Variants in MYRIP observed in about 807,000 individuals in gnomAD.
MYRIP encodes the protein myosin VIIA and Rab interacting protein.
In MYRIP, 49 loss-of-function variants were observed where a neutral mutation model predicts 98.0. That is an observed-to-expected ratio of 0.50 (90% CI 0.40 to 0.63). MYRIP has a LOEUF of 0.63. MYRIP is among the 30% of genes least tolerant of loss of function. The pLI is 0.00. For synonymous variants in MYRIP, 404 were observed against 409.5 expected (o/e 0.99, Z 0.16); for missense variants, 1,004 against 1,058.2 (o/e 0.95, Z 0.71).
intron 2 of MYRIP, among the ~76,000 whole-genome samples, chr3:39,921,643 G>A (rs1247161889): frequency 6.6e-6 from 1 of 152,172 alleles, no homozygotes; most frequent in Admixed American, 6.5e-5. Flanking sequence ...CACTTTGGGT[G>A]GCTGAGGTGG....
At chr3:40,143,985 A>G (rs1240772332) in intron 3 of MYRIP, among the ~76,000 whole-genome samples, 2 of 152,200 alleles carry the variant, frequency 1.3e-5, no homozygotes, top group Admixed American at 1.3e-4. Flanking sequence ...TCGGAATGCT[A>G]TAGAGTTTTG....
intron 12 of MYRIP, among the ~76,000 whole-genome samples, chr3:40,241,257 A>T (rs1365136646): frequency 6.6e-6 from 1 of 152,196 alleles, no homozygotes; most frequent in African/African-American, 2.4e-5. Flanking sequence ...CAGTGGCAGC[A>T]GACACAGTAG....
At chr3:40,243,309 T>C (rs978134146) in intron 12 of MYRIP, among the ~76,000 whole-genome samples, 1 of 151,918 alleles carries the variant, frequency 6.6e-6, no homozygotes, top group Non-Finnish European at 1.5e-5. Flanking sequence ...AAATTGCCAG[T>C]TTTAAAACAG....
At chr3:40,184,275 A>C (rs1211799026) in intron 9 of MYRIP, among the ~76,000 whole-genome samples, 3 of 152,232 alleles carry the variant, frequency 2.0e-5, no homozygotes, top group Admixed American at 2.0e-4. Flanking sequence ...CATAGAGTAC[A>C]TGAGAATACC....
At chr3:39,949,627 A>G (rs1944966208) in intron 2 of MYRIP, among the ~76,000 whole-genome samples, 1 of 152,090 alleles carries the variant, frequency 6.6e-6, no homozygotes, top group Admixed American at 6.6e-5. Flanking sequence ...CTGTCTTTCC[A>G]AAATATTATT....
intron 8 of MYRIP, among the ~76,000 whole-genome samples, chr3:40,175,227 C>T (rs897091239): frequency 6.6e-6 from 1 of 152,192 alleles, no homozygotes; most frequent in Non-Finnish European, 1.5e-5. Flanking sequence ...AGTCTTGATT[C>T]GTTGGATTGT....
chr3:40,126,261 G>C (rs1192346713), intron 3 of MYRIP, among the ~76,000 whole-genome samples: 1 of 152,196 alleles, frequency 6.6e-6, no homozygotes, highest in South Asian at 2.1e-4. Context: ...ACTCTGGGGT[G>C]GGGCCGAACA....
intron 3 of MYRIP, among the ~76,000 whole-genome samples, chr3:40,087,496 T>A (rs529116738): frequency 5.3e-5 from 8 of 152,288 alleles, no homozygotes; most frequent in Admixed American, 5.2e-4. Context: ...GACCAGGCTT[T>A]AGTTCTATTA....
intron 3 of MYRIP, among the ~76,000 whole-genome samples, chr3:40,065,074 G>T (rs910239809): frequency 1.3e-5 from 2 of 152,184 alleles, no homozygotes; most frequent in African/African-American, 4.8e-5. Flanking sequence ...CTGAAATCAA[G>T]GTGCAGGCAG....
intron 2 of MYRIP, among the ~76,000 whole-genome samples, chr3:40,041,155 C>A (rs1427685164): frequency 7.1e-6 from 1 of 141,142 alleles, no homozygotes; most frequent in East Asian, 2.0e-4. Context: ...TGTAGAATGT[C>A]AACCAATAAA....
rs545250715 is a variant in MYRIP, at chr3:39,862,559, G to A, written c.-30-38228G>A. On this transcript the variant is annotated intron_variant, in intron 1 of 16. Coordinates refer to ENST00000302541, the MANE Select transcript of MYRIP (RefSeq NM_015460.4). ...ACAAAAAAGTCAAAGAAGGCATTTT[G>A]TAATGATAAAGGGCTCCATTCAACA... 5.3e-5 allele frequency among the ~76,000 whole-genome samples: 8 copies of A among 152,312 alleles called. No individual in the cohort carries two copies. The East Asian group carries it at 1.2e-3, about 22-fold the overall frequency.
chr3:40,003,793 A>G (rs186052914), intron 2 of MYRIP, among the ~76,000 whole-genome samples: 247 of 152,306 alleles, frequency 1.6e-3, no homozygotes, highest in Non-Finnish European at 3.1e-3. Context: ...AAAAGCTTAT[A>G]CTATCACCTC....
chr3:40,232,625 TAAAC>T (rs951666238), intron 11 of MYRIP, among the ~76,000 whole-genome samples: 73 of 152,348 alleles, frequency 4.8e-4, no homozygotes, highest in African/African-American at 1.8e-3. Context: ...TGTGATGAGA[TAAAC>T]AAAATTGTTT....
rs1238642570 is a variant in MYRIP at position 40,250,236 on chromosome 3, G to A, written c.2277G>A (p.Glu759=). Residue 759 remains glutamate, a synonymous_variant, in exon 14 of 17, where the codon GAG becomes GAA. Coordinates refer to ENST00000302541, the MANE Select transcript of MYRIP (RefSeq NM_015460.4). Reference sequence around the variant, plus strand: ...GTTGCTTTAAGATTTCAGATATTGAGAGCCGGATTTCAGCCCTGACCATTG... The same window carrying A: ...GTTGCTTTAAGATTTCAGATATTGAAAGCCGGATTTCAGCCCTGACCATTG... ...HHAELQISDI[E]SRISALTIAG... 1 of 1,613,106 alleles carries A rather than the reference G, an allele frequency of 6.2e-7. No individual in the cohort carries two copies. Among genetic ancestry groups the A allele is most frequent in the Non-Finnish European group, 8.5e-7 (1 of 1,179,154 alleles).
At chr3:39,973,381 G>A (rs1425915009) in intron 2 of MYRIP, among the ~76,000 whole-genome samples, 1 of 152,022 alleles carries the variant, frequency 6.6e-6, no homozygotes, top group African/African-American at 2.4e-5. Flanking sequence ...ACCCAATACA[G>A]GAGCACCCAG....
intron 10 of MYRIP, among the ~76,000 whole-genome samples, chr3:40,200,360 C>T (rs1229863375): frequency 1.3e-5 from 2 of 151,960 alleles, no homozygotes; most frequent in Non-Finnish European, 2.9e-5. Context: ...CCACATGGGG[C>T]ACGGGTTGAA....
In MYRIP at chr3:40,162,721, C is replaced by T; in HGVS notation, c.470-9C>T. On this transcript the variant is annotated splice_polypyrimidine_tract_variant and intron_variant, in intron 4 of 16. Transcript: ENST00000302541. The stretch of plus-strand genomic sequence containing the variant: ...TATTCATTCTCTTCTCCCACCCCTA[C>T]CCTGCCAGGAGGAAGCCTTTTTGAG... The T allele has an allele frequency of 1.9e-6, 3 of 1,613,316 alleles. No individual in the cohort carries two copies. The highest frequency in any genetic ancestry group is 2.5e-6 in the Non-Finnish European group (3 of 1,179,308).
chr3:39,925,054 A>T (rs1188418323), intron 2 of MYRIP, among the ~76,000 whole-genome samples: 1 of 151,670 alleles, frequency 6.6e-6, no homozygotes, highest in Non-Finnish European at 1.5e-5. Flanking sequence ...AGAACTCAGA[A>T]AAAGAGCAAA....
At chr3:39,934,740 G>A (rs147350766) in intron 2 of MYRIP, among the ~76,000 whole-genome samples, 6 of 152,310 alleles carry the variant, frequency 3.9e-5, no homozygotes, top group African/African-American at 1.4e-4. Context: ...GATGAGAAAC[G>A]TTATCAGTAT....
Sources: allele counts gnomAD v4.1 joint callset (sites outside exome capture counted in the v4.1 genomes callset), GRCh38; gene constraint gnomAD v4.1.1; transcripts MANE v1.5; gene names NCBI Gene and HGNC (gene_info 2026-07-23, HGNC 2026-07-21).